The following SIMC1 variants were observed in gnomAD, a reference collection of about 807,000 sequenced individuals.
SIMC1 encodes SUMO-interacting motif-containing protein 1.
Under a neutral mutation model 82.3 loss-of-function variants are expected in SIMC1, and 55 were observed. The ratio of observed to expected loss-of-function variants is 0.67; its 90% CI spans 0.54 to 0.84. The LOEUF (loss-of-function observed/expected upper bound fraction) is 0.84. Among genes scored for constraint, SIMC1 ranks in the 40% least tolerant of loss-of-function variants. The pLI is 0.00. For missense variants in SIMC1, 915 were observed against 1,107.2 expected (o/e 0.83, Z 2.46); for synonymous variants, 353 against 426.3 (o/e 0.83, Z 2.12).
intron 4 of SIMC1, among the ~76,000 whole-genome samples, chr5:176,305,095 G>C (rs1764248156): frequency 1.4e-5 from 2 of 144,268 alleles, no homozygotes; most frequent in Admixed American, 1.3e-4. Context: ...GGAGGGAGGT[G>C]GGGGGTCAGC....
At chr5:176,331,368 TA>T (rs70991536) in intron 7 of SIMC1, among the ~76,000 whole-genome samples, 87,049 of 131,340 alleles carry the variant, frequency 0.66, 29,147 homozygotes, top group Middle Eastern at 0.84. Context: ...AGACTCTGTC[TA>T]AAAAAAAAAA....
intron 1 of SIMC1, among the ~76,000 whole-genome samples, chr5:176,246,266 T>C (rs924724818): frequency 9.9e-5 from 15 of 152,070 alleles, no homozygotes; most frequent in African/African-American, 3.6e-4. Context: ...CACCTCGACC[T>C]CCCAAAGTGT....
rs537600279 is a variant in SIMC1, at chr5:176,250,175, A to G, written c.129+11538A>G. ...TATTTCTGCCTTAATGTCGTTATTT[A>G]CCCAGGTTTCAAAGAATTATTTATT... On this transcript the variant is annotated intron_variant, in intron 1 of 9. Transcript: ENST00000429602. 1.6e-3 allele frequency among the ~76,000 whole-genome samples: 237 copies of G among 152,126 alleles called. 1 individual carries two copies. The highest frequency in any genetic ancestry group is 1.4e-3 in the Non-Finnish European group (95 of 68,004).
chr5:176,308,256 A>G, intron 4 of SIMC1: 1 of 1,540,430 alleles, frequency 6.5e-7, no homozygotes, highest in Non-Finnish European at 9.0e-7. Context: ...GTTGCTGAAA[A>G]GGTTGATGCC....
intron 5 of SIMC1, among the ~76,000 whole-genome samples, chr5:176,318,243 C>T (rs115896245): frequency 1.3e-5 from 2 of 152,172 alleles, no homozygotes; most frequent in Admixed American, 6.5e-5. Context: ...AGCAGGGAGG[C>T]GGGCAAGGTT....
At chr5:176,310,566 A>G (rs1764623516) in intron 4 of SIMC1, among the ~76,000 whole-genome samples, 1 of 152,232 alleles carries the variant, frequency 6.6e-6, no homozygotes, top group African/African-American at 2.4e-5. Flanking sequence ...ATAATGTATG[A>G]TTGCATTTAT....
intron 1 of SIMC1, among the ~76,000 whole-genome samples, chr5:176,279,300 C>T (rs866518246): frequency 1.3e-5 from 2 of 152,172 alleles, no homozygotes; most frequent in African/African-American, 4.8e-5. Flanking sequence ...CTTTGTGTTT[C>T]TGTGGGATTG....
At chr5:176,256,893 C>A (rs183634651) in intron 1 of SIMC1, among the ~76,000 whole-genome samples, 14 of 152,228 alleles carry the variant, frequency 9.2e-5, no homozygotes, top group African/African-American at 3.4e-4. Context: ...TAGGCAAACA[C>A]CACCATGCCT....
chr5:176,286,407 A>G (rs1763286104), intron 1 of SIMC1, among the ~76,000 whole-genome samples: 3 of 152,278 alleles, frequency 2.0e-5, no homozygotes, highest in Admixed American at 2.0e-4. Flanking sequence ...TATTTAATAA[A>G]TGGTGCTGGG....
chr5:176,280,467 A>G (rs1416877664), intron 1 of SIMC1, among the ~76,000 whole-genome samples: 1 of 151,626 alleles, frequency 6.6e-6, no homozygotes, highest in Non-Finnish European at 1.5e-5. Flanking sequence ...TGTGAATTTG[A>G]ACCTGTCATT....
chr5:176,334,185 T>G (rs2113402655), intron 7 of SIMC1, among the ~76,000 whole-genome samples: 1 of 152,292 alleles, frequency 6.6e-6, no homozygotes, highest in Middle Eastern at 3.4e-3. Flanking sequence ...ATCTTCCTGC[T>G]TTTTTTACTT....
At chr5:176,330,400 C>CAA (rs554910341) in intron 7 of SIMC1, among the ~76,000 whole-genome samples, 10 of 94,174 alleles carry the variant, frequency 1.1e-4, no homozygotes, top group African/African-American at 2.9e-4. Flanking sequence ...GTCTCCATCT[C>CAA]AAAAAAAAAA....
Position 176,331,710 on chromosome 5 carries a change from TGTG to T in SIMC1, c.2172-5009_2172-5007del, listed in dbSNP as rs543053266. Among the ~76,000 whole-genome samples, 39 of 151,834 alleles carry T rather than the reference TGTG, an allele frequency of 2.6e-4. No individual in the cohort carries two copies. The South Asian group carries it at 8.2e-3, about 32-fold the overall frequency. ...AGGCCAGATGCAGTTGGCTCATGCC[TGTG>T]ATCCTAGCACTTTGGGAGGCCAAGG... On this transcript the variant is annotated intron_variant, in intron 7 of 9. Coordinates refer to ENST00000429602, the MANE Select transcript of SIMC1 (RefSeq NM_001308195.2).
chr5:176,262,461 A>G (rs1024756700), intron 1 of SIMC1, among the ~76,000 whole-genome samples: 1 of 152,150 alleles, frequency 6.6e-6, no homozygotes. Context: ...CCTTTTCAGC[A>G]TTGTACTGGA....
intron 5 of SIMC1, among the ~76,000 whole-genome samples, chr5:176,319,456 C>T (rs1765063358): frequency 6.6e-6 from 1 of 151,744 alleles, no homozygotes; most frequent in Admixed American, 6.6e-5. Context: ...ATCGCTTGAG[C>T]TCAGGAGTTC....
In SIMC1 at chr5:176,345,570, G is replaced by C; in HGVS notation, c.*125G>C. ...CCAAACCTGCATTATTTAATCAGTA[G>C]GTTGTAATTTCTAACTCTAGTAAAT... On this transcript the variant is annotated 3_prime_UTR_variant, in exon 10 of 10. Transcript: ENST00000429602. The C allele has an allele frequency of 9.2e-7, 1 of 1,083,450 alleles. No individual in the cohort carries two copies. The highest frequency in any genetic ancestry group is 1.3e-6 in the Non-Finnish European group (1 of 786,520). 67.1% of individuals were successfully genotyped at this position (1,083,450 alleles called of 1,614,324 possible).
intron 5 of SIMC1, among the ~76,000 whole-genome samples, chr5:176,319,940 G>A (rs1765085982): frequency 6.6e-6 from 1 of 152,140 alleles, no homozygotes; most frequent in South Asian, 2.1e-4. Context: ...GATAATGGAA[G>A]CTCTGAAGAC....
chr5:176,337,613 A>G (rs1175138226), intron 9 of SIMC1, among the ~76,000 whole-genome samples: 1 of 152,218 alleles, frequency 6.6e-6, no homozygotes, highest in Non-Finnish European at 1.5e-5. Flanking sequence ...GGAAAAAAAG[A>G]GAAGTCATCA....
intron 1 of SIMC1, among the ~76,000 whole-genome samples, chr5:176,244,957 G>A (rs1250594440): frequency 2.6e-5 from 4 of 152,064 alleles, no homozygotes; most frequent in Non-Finnish European, 5.9e-5. Context: ...CTGACCTCAA[G>A]TGATCCACCC....
Sources: gnomAD v4.1 joint callset for allele counts (sites outside exome capture counted in the v4.1 genomes callset) on GRCh38, gnomAD v4.1.1 for gene constraint, MANE v1.5 for transcripts, NCBI Gene and HGNC (gene_info 2026-07-23, HGNC 2026-07-21) for gene names.